The following KIAA1671 variants were observed in gnomAD, a reference collection of about 807,000 sequenced individuals.
KIAA1671 encodes the protein uncharacterized protein KIAA1671.
Under a neutral mutation model 131.2 loss-of-function variants are expected in KIAA1671, and 52 were observed. That is an observed-to-expected ratio of 0.40 (90% CI 0.32 to 0.50). The LOEUF (loss-of-function observed/expected upper bound fraction) is 0.50. Among genes scored for constraint, KIAA1671 ranks in the 20% least tolerant of loss-of-function variants. The probability of loss-of-function intolerance (pLI) is 0.73; values close to 1 mark genes in which losing one functional copy is unlikely to be tolerated. For missense variants in KIAA1671, 2,360 were observed against 2,364.2 expected, an observed-to-expected ratio of 1.00 and a Z score of 0.04; for synonymous variants, 1,003 against 961.6, an observed-to-expected ratio of 1.04 and a Z score of -0.80.
chr22:25,152,630 A>T (rs1380840631), intron 6 of KIAA1671, among the ~76,000 whole-genome samples: 3 of 152,088 alleles, frequency 2.0e-5, no homozygotes, highest in African/African-American at 7.2e-5. Flanking sequence ...CACCTGGGTG[A>T]GTTGGTCTGT....
intron 6 of KIAA1671, among the ~76,000 whole-genome samples, chr22:25,131,899 A>G (rs1009858676): frequency 6.6e-6 from 1 of 152,222 alleles, no homozygotes; most frequent in Admixed American, 6.5e-5. Context: ...GCATAACCGC[A>G]TAGAGTTGTA....
chr22:25,189,143 T>TG (rs1377436592), intron 11 of KIAA1671, among the ~76,000 whole-genome samples: 66 of 149,442 alleles, frequency 4.4e-4, no homozygotes, highest in African/African-American at 1.6e-3. Flanking sequence ...TTTTTTTTTT[T>TG]TTGTTTTGTT....
At chr22:24,985,155 A>G (rs543178605) in intron 1 of KIAA1671, among the ~76,000 whole-genome samples, 1 of 152,152 alleles carries the variant, frequency 6.6e-6, no homozygotes, top group South Asian at 2.1e-4. Flanking sequence ...ATTCAGATAA[A>G]ACATCTCTAT....
intron 6 of KIAA1671, among the ~76,000 whole-genome samples, chr22:25,091,941 T>C (rs756372001): frequency 6.6e-6 from 1 of 152,158 alleles, no homozygotes; most frequent in Non-Finnish European, 1.5e-5. Context: ...CCCATAGAGT[T>C]TGGCTTGTGT....
At chr22:24,979,358 A>ATTTTTTTTT (rs60107890) in intron 1 of KIAA1671, among the ~76,000 whole-genome samples, 1 of 125,326 alleles carries the variant, frequency 8.0e-6, no homozygotes, top group South Asian at 2.5e-4. Context: ...TTATTTATTT[A>ATTTTTTTTT]TTTTTTTTTG....
chr22:25,018,149 A>G (rs1007270693), intron 1 of KIAA1671, among the ~76,000 whole-genome samples: 8 of 152,004 alleles, frequency 5.3e-5, no homozygotes, highest in African/African-American at 1.9e-4. Flanking sequence ...GTCTGCCCCC[A>G]TCAGGGCACC....
rs1223034273 is a variant in KIAA1671 at position 25,099,537 on chromosome 22, G to GTTTTTTTTTTTTTT, written c.4530+50180_4530+50181insTTTTTTTTTTTTTT. Among the ~76,000 whole-genome samples, 2 of 112,112 alleles carry GTTTTTTTTTTTTTT rather than the reference G, an allele frequency of 1.8e-5. 1 individual carries two copies. Among genetic ancestry groups the GTTTTTTTTTTTTTT allele is most frequent in the Non-Finnish European group, 3.5e-5 (2 of 57,624 alleles). The allele number at this position is 112,112 out of a possible 152,430, so 73.5% of individuals were successfully genotyped here. On this transcript the variant is annotated intron_variant, in intron 6 of 12. Transcript: ENST00000358431. ...TATAAGTTTGTCTTTCAAAATGTGG[G>GTTTTTTTTTTTTTT]TTTTTTTGTTTTTTTTTTTTTTTTT...
intron 1 of KIAA1671, among the ~76,000 whole-genome samples, chr22:24,996,299 A>T (rs1001874356): frequency 1.3e-5 from 2 of 152,040 alleles, no homozygotes; most frequent in Non-Finnish European, 2.9e-5. Context: ...CCTTCTGTGT[A>T]TCTTATAGAG....
rs2145805181 is a variant in KIAA1671, at chr22:25,039,622, A to G, written c.2492A>G (p.His831Arg). 2 of 1,550,088 alleles carry G rather than the reference A, an allele frequency of 1.3e-6. No homozygotes were observed. Residue 831 changes from histidine (H) to arginine (R), a missense_variant, in exon 5 of 13, where the codon CAC becomes CGC. Transcript: ENST00000358431. ...ACAGGCGGGGCAGTGGTGAGCTCGC[A>G]CAAAGCCACCGTGGCAGTCAGCGAA... Reference protein sequence around the residue: ...KWTGGAVVSSHKATVAVSEEH... With the variant: ...KWTGGAVVSSRKATVAVSEEH...
chr22:25,000,209 T>TAAATG (rs1241803812), intron 1 of KIAA1671, among the ~76,000 whole-genome samples: 10 of 72,250 alleles, frequency 1.4e-4, no homozygotes, highest in South Asian at 1.0e-3. Context: ...TTTTTTTTTT[T>TAAATG]TTGAGACGGA....
intron 1 of KIAA1671, among the ~76,000 whole-genome samples, chr22:25,017,865 GC>G (rs1925416097): frequency 6.6e-6 from 1 of 152,042 alleles, no homozygotes; most frequent in African/African-American, 2.4e-5. Context: ...TGTTACATGT[GC>G]CCCATCAGGG....
At chr22:25,034,507 A>G (rs1926482088) in intron 4 of KIAA1671, among the ~76,000 whole-genome samples, 2 of 151,640 alleles carry the variant, frequency 1.3e-5, no homozygotes, top group African/African-American at 2.4e-5. Context: ...TTATGTTGAG[A>G]TCATTCATGG....
At chr22:25,045,925 T>C (rs1349026640) in intron 5 of KIAA1671, among the ~76,000 whole-genome samples, 1 of 152,050 alleles carries the variant, frequency 6.6e-6, no homozygotes, top group Admixed American at 6.6e-5. Context: ...CGAAGTATTG[T>C]ATTATGTGAC....
At chr22:25,179,401 G>C (rs1934180636) in intron 9 of KIAA1671, 9 of 1,610,904 alleles carry the variant, frequency 5.6e-6, no homozygotes, top group Non-Finnish European at 7.6e-6. Flanking sequence ...GCGGCCAGGT[G>C]CGCCTCGCGG....
At chr22:24,955,372 T>G (rs930891856) in intron 1 of KIAA1671, among the ~76,000 whole-genome samples, 1 of 152,116 alleles carries the variant, frequency 6.6e-6, no homozygotes, top group Non-Finnish European at 1.5e-5. Flanking sequence ...ACTATGATCA[T>G]AGGAGGAGGG....
intron 8 of KIAA1671, chr22:25,175,175 G>A (rs1933979461): frequency 6.6e-6 from 1 of 152,220 alleles, no homozygotes; most frequent in African/African-American, 2.4e-5. Flanking sequence ...CCACCTCCAG[G>A]GGTCAGGCAG....
At chr22:25,100,972 G>C (rs563725206) in intron 6 of KIAA1671, among the ~76,000 whole-genome samples, 21 of 152,306 alleles carry the variant, frequency 1.4e-4, no homozygotes, top group Middle Eastern at 3.4e-3. Context: ...GCCAAGTAAA[G>C]CAAACTCACT....
intron 6 of KIAA1671, among the ~76,000 whole-genome samples, chr22:25,093,824 T>TCTCTCTCTCTCTCTCTCTCTCTC (rs1555877745): frequency 4.6e-5 from 1 of 21,952 alleles, no homozygotes; most frequent in Admixed American, 4.4e-4. Flanking sequence ...CTCTCTCTCT[T>TCTCTCTCTCTCTCTCTCTCTCTC]TCTCTCTCTG....
At chr22:25,009,394 A>G (rs2123874096) in intron 1 of KIAA1671, among the ~76,000 whole-genome samples, 1 of 148,196 alleles carries the variant, frequency 6.7e-6, no homozygotes, top group East Asian at 2.0e-4. Context: ...CCTCCCAAGT[A>G]GCTGGGATTA....
Sources: gnomAD v4.1 joint callset for allele counts (sites outside exome capture counted in the v4.1 genomes callset) on GRCh38, gnomAD v4.1.1 for gene constraint, MANE v1.5 for transcripts, NCBI Gene and HGNC (gene_info 2026-07-23, HGNC 2026-07-21) for gene names.